PLIN5: variants seen among roughly 807,000 people sequenced by gnomAD.
PLIN5 encodes the protein perilipin 5, also known as perilipin-5.
Under a neutral mutation model 32.8 loss-of-function variants are expected in PLIN5, and 34 were observed. That is an observed-to-expected ratio of 1.04 (90% CI 0.79 to 1.38). PLIN5 has a LOEUF of 1.38. PLIN5 is among the 40% of genes most tolerant of loss of function. The pLI is 0.00. For synonymous variants in PLIN5, 309 were observed against 292.9 expected, an observed-to-expected ratio of 1.05 and a Z score of -0.56; for missense variants, 712 against 660.5, an observed-to-expected ratio of 1.08 and a Z score of -0.85.
chr19:4,533,915 GGA>G, intron 2 of PLIN5, 98 bp downstream of exon 2: 2 of 1,341,348 alleles, frequency 1.5e-6, no homozygotes, highest in Non-Finnish European at 2.1e-6. Context: ...TTCCCAGCAA[GGA>G]GAGGAGTGGG....
At chr19:4,530,327 C>T (rs1432077995) in intron 3 of PLIN5, among the ~76,000 whole-genome samples, 2 of 152,148 alleles carry the variant, frequency 1.3e-5, no homozygotes, top group African/African-American at 2.4e-5. Flanking sequence ...TCAGATGGCC[C>T]AGCGGACAGA....
chr19:4,530,115 C>T (rs1012121639), intron 3 of PLIN5, among the ~76,000 whole-genome samples: 5 of 152,134 alleles, frequency 3.3e-5, no homozygotes, highest in South Asian at 2.1e-4. Context: ...ACACCTGTGG[C>T]GCCTGGAGAG....
At chr19:4,530,722 G>A (rs1490081378) in intron 3 of PLIN5, among the ~76,000 whole-genome samples, 1 of 152,178 alleles carries the variant, frequency 6.6e-6, no homozygotes. Context: ...ACCCAGGCTG[G>A]AGTGCAGTGG....
At chr19:4,524,931 C>T (rs751813586) in intron 7 of PLIN5, 32 bp downstream of exon 7, 62 of 1,508,718 alleles carry the variant, frequency 4.1e-5, no homozygotes, top group Admixed American at 1.7e-4. Flanking sequence ...TGGTGGCAGA[C>T]ACCACCTCAC....
chr19:4,529,356 C>A, intron 4 of PLIN5, 103 bp from the exon 5 acceptor site: 2 of 1,307,718 alleles, frequency 1.5e-6, no homozygotes, highest in South Asian at 2.9e-5. Context: ...TGGACTTCTA[C>A]CTGGCTCCGT....
chr19:4,523,608 C>T lies in PLIN5; in HGVS notation c.1312G>A (p.Ala438Thr), dbSNP rs368841090. 2.0e-5 allele frequency: 32 copies of T among 1,608,744 alleles called. No homozygotes were observed. Among genetic ancestry groups the T allele is most frequent in the Non-Finnish European group, 2.6e-5 (31 of 1,178,284 alleles). ...GNGDGDRMGV[A>T]GDICEQEPET... The stretch of plus-strand genomic sequence containing the variant: ...GGTTCCTGCTCGCAGATGTCCCCGG[C>T]AACACCCATCCTGTCCCCATCCCCA... The change falls in exon 8 of 8, where the codon GCC becomes ACC. Residue 438 changes from alanine (A) to threonine (T), a missense_variant. Physicochemically the swap from Ala to Thr is moderately conservative, Grantham distance 58. Coordinates refer to ENST00000381848, the MANE Select transcript of PLIN5 (RefSeq NM_001013706.3). The surrounding 1 kb of genome is among the most constrained non-coding windows in gnomAD (Gnocchi z 5.0).
chr19:4,529,169 C>T lies in PLIN5; in HGVS notation c.424G>A (p.Glu142Lys), dbSNP rs781155717. 1 of 1,613,148 alleles carries T rather than the reference C, an allele frequency of 6.2e-7. No homozygotes were observed. The highest frequency in any genetic ancestry group is 8.5e-7 in the Non-Finnish European group (1 of 1,179,984). Reference protein sequence around the residue: ...LARRGRRWSVELKRSVSHAVD... With the variant: ...LARRGRRWSVKLKRSVSHAVD... The stretch of plus-strand genomic sequence containing the variant: ...GCATGGCTCACGGAGCGCTTCAGCT[C>T]CACGCTCCAGCGCCGGCCCCTCCGG... Residue 142 changes from glutamate (E) to lysine (K), a missense_variant, in exon 5 of 8, where the codon GAG (glutamate) becomes AAG (lysine). Physicochemically the swap from Glu to Lys is moderately conservative, Grantham distance 56 (BLOSUM62 1). Coordinates refer to ENST00000381848, the MANE Select transcript of PLIN5 (RefSeq NM_001013706.3).
At chr19:4,526,920 G>C (rs756915162) in intron 5 of PLIN5, among the ~76,000 whole-genome samples, 50 of 151,094 alleles carry the variant, frequency 3.3e-4, no homozygotes, top group Middle Eastern at 3.4e-3. Flanking sequence ...ATCCACACAA[G>C]ATATGGTGGA....
At chr19:4,528,999 C>T in intron 5 of PLIN5, 74 bp downstream of exon 5, 4 of 1,478,810 alleles carry the variant, frequency 2.7e-6, no homozygotes, top group Middle Eastern at 1.8e-4. Flanking sequence ...GAGTCTCAGA[C>T]CTCTCTGATC....
chr19:4,531,007 T>G (rs1365229060), intron 3 of PLIN5, among the ~76,000 whole-genome samples: 2 of 139,000 alleles, frequency 1.4e-5, no homozygotes, highest in African/African-American at 5.3e-5. Flanking sequence ...TTGTTTTTGC[T>G]TTTTTTTTTT....
At chr19:4,531,902 G>T in intron 2 of PLIN5, 80 bp from the exon 3 acceptor site, 1 of 1,374,310 alleles carries the variant, frequency 7.3e-7, no homozygotes, top group Non-Finnish European at 9.6e-7. Flanking sequence ...CCCTCTCTGG[G>T]CCAGGACGAG....
chr19:4,523,185 A>G lies in PLIN5; in HGVS notation c.*343T>C. 4.7e-6 allele frequency: 1 copy of G among 211,420 alleles called. No homozygotes were observed. The highest frequency in any genetic ancestry group is 9.9e-5 in the East Asian group (1 of 10,132). The allele number at this position is 211,420 out of a possible 1,614,324, so 13.1% of individuals were successfully genotyped here. On this transcript the variant is annotated 3_prime_UTR_variant, in exon 8 of 8. Transcript: ENST00000381848. This position sits in a 1 kb window ranked among gnomAD's most constrained non-coding sequence, Gnocchi z 5.0. ...GATGATCCACCTGCCTCAGACTCCCAAAGTGCTGGGATTACAGGCGTGAGC... is the reference window on the plus strand; with the variant it reads ...GATGATCCACCTGCCTCAGACTCCCGAAGTGCTGGGATTACAGGCGTGAGC...
chr19:4,528,076 AT>A (rs1976830375), intron 5 of PLIN5, among the ~76,000 whole-genome samples: 1 of 151,392 alleles, frequency 6.6e-6, no homozygotes, highest in Non-Finnish European at 1.5e-5. Context: ...CGCCCGGCTA[AT>A]TTTTTGTATT....
chr19:4,528,194 C>T (rs927951600), intron 5 of PLIN5, among the ~76,000 whole-genome samples: 1 of 151,252 alleles, frequency 6.6e-6, no homozygotes, highest in African/African-American at 2.5e-5. Flanking sequence ...CAGGCCTGAG[C>T]CACCGTGCCC....
intron 3 of PLIN5, among the ~76,000 whole-genome samples, chr19:4,531,008 T>TC (rs1244622487): frequency 2.1e-5 from 3 of 145,674 alleles, no homozygotes; most frequent in Non-Finnish European, 1.5e-5. Context: ...TGTTTTTGCT[T>TC]TTTTTTTTTT....
In PLIN5 at chr19:4,523,932, A is replaced by G; in HGVS notation, c.988T>C (p.Phe330Leu). 6.5e-7 allele frequency: 1 copy of G among 1,529,266 alleles called. No individual in the cohort carries two copies. The highest frequency in any genetic ancestry group is 8.7e-7 in the Non-Finnish European group (1 of 1,146,382). 94.7% of individuals were successfully genotyped at this position (1,529,266 alleles called of 1,614,324 possible). A position where few individuals can be genotyped will look rare whatever the true frequency, so the allele number is the denominator to read the frequency against. The change falls in exon 8 of 8, where the codon TTC becomes CTC. Residue 330 changes from phenylalanine (F) to leucine (L), a missense_variant. By Grantham distance (22) the Phe-to-Leu change is conservative. Transcript: ENST00000381848. This position sits in a 1 kb window ranked among gnomAD's most constrained non-coding sequence, Gnocchi z 5.0. ...TCCCTGAAGCAGCGGGCATCAGCGAAGGCGGTCTGCAGGGCATCCACACTG... is the reference window on the plus strand; with the variant it reads ...TCCCTGAAGCAGCGGGCATCAGCGAGGGCGGTCTGCAGGGCATCCACACTG... ...RRSVDALQTA[F>L]ADARCFRDVP...
Position 4,525,935 on chromosome 19 carries a change from G to A in PLIN5, c.521-103C>T, listed in dbSNP as rs917278669. ...GGACAGGATACGGGGACAGCACGGG[G>A]ACAGGATACGGGGACAGCACGGGGA... On this transcript the variant is annotated intron_variant, in intron 5 of 7. Coordinates refer to ENST00000381848, the MANE Select transcript of PLIN5 (RefSeq NM_001013706.3). This position sits in a 1 kb window ranked among gnomAD's most constrained non-coding sequence, Gnocchi z 5.6. The A allele has an allele frequency of 4.8e-6, 3 of 622,614 alleles. No individual in the cohort carries two copies. The East Asian group carries it at 8.4e-5, about 17-fold the overall frequency. 38.6% of individuals were successfully genotyped at this position (622,614 alleles called of 1,614,324 possible). A position where few individuals can be genotyped will look rare whatever the true frequency, so the allele number is the denominator to read the frequency against.
intron 5 of PLIN5, 42 bp downstream of exon 5, chr19:4,529,031 G>T (rs748507884): frequency 6.3e-7 from 1 of 1,586,288 alleles, no homozygotes; most frequent in South Asian, 1.1e-5. Context: ...GGATGGGGAC[G>T]GGGCAGGACT....
intron 2 of PLIN5, 163 bp downstream of exon 2, chr19:4,533,852 A>G (rs1209520572): frequency 3.9e-6 from 3 of 763,364 alleles, no homozygotes; most frequent in African/African-American, 3.5e-5. Context: ...TTAAGCCCCC[A>G]CTAGGAAATA....
Sources: gnomAD v4.1 joint callset for allele counts (sites outside exome capture counted in the v4.1 genomes callset) on GRCh38, gnomAD v4.1.1 for gene constraint, Gnocchi (gnomAD v3.1) non-coding constraint, MANE v1.5 for transcripts, NCBI Gene and HGNC (gene_info 2026-07-23, HGNC 2026-07-21) for gene names.